The following ABCB5 variants were observed in gnomAD, a reference collection of about 807,000 sequenced individuals.
ABCB5 encodes the protein ATP binding cassette subfamily B member 5.
A neutral mutation model predicts 144.2 loss-of-function variants in ABCB5; 155 were observed. The observed-to-expected ratio is 1.08, with a 90% CI of 0.94 to 1.23. ABCB5 has a LOEUF of 1.23. ABCB5 is among the 50% of genes most tolerant of loss of function. The probability of loss-of-function intolerance (pLI) is 0.00; values close to 1 mark genes in which losing one functional copy is unlikely to be tolerated. For synonymous variants in ABCB5, 610 were observed against 528.6 expected, an observed-to-expected ratio of 1.15 and a Z score of -2.11; for missense variants, 1,830 against 1,520.8, an observed-to-expected ratio of 1.20 and a Z score of -3.38.
intron 5 of ABCB5, among the ~76,000 whole-genome samples, chr7:20,636,782 C>CAAAAA (rs35824075): frequency 8.1e-5 from 6 of 74,202 alleles, no homozygotes; most frequent in African/African-American, 1.2e-4. Flanking sequence ...AAGACTCCAT[C>CAAAAA]AAAAAAAAAA....
intron 14 of ABCB5, among the ~76,000 whole-genome samples, chr7:20,666,511 T>C (rs993478899): frequency 6.6e-6 from 1 of 152,182 alleles, no homozygotes; most frequent in African/African-American, 2.4e-5. Flanking sequence ...TATCTCTGCC[T>C]AGCAATTCTG....
chr7:20,673,681 C>A (rs906955953), intron 14 of ABCB5, among the ~76,000 whole-genome samples: 11 of 151,904 alleles, frequency 7.2e-5, no homozygotes, highest in African/African-American at 2.7e-4. Context: ...TGACAGATGA[C>A]ACGTAGTTGG....
intron 7 of ABCB5, 145 bp from the exon 8 acceptor site, chr7:20,645,611 T>G (rs1420525174): frequency 4.9e-6 from 5 of 1,024,730 alleles, no homozygotes; most frequent in African/African-American, 1.6e-5. Context: ...TCTTAGTATT[T>G]GAAGACAAAT....
At chr7:20,685,540 C>T (rs181575013) in intron 15 of ABCB5, among the ~76,000 whole-genome samples, 156 bp from the exon 16 acceptor site, 1 of 152,314 alleles carries the variant, frequency 6.6e-6, no homozygotes, top group East Asian at 1.9e-4. Context: ...GACTTATCAG[C>T]TCTCTATCAA....
At chr7:20,624,786 C>T (rs938694548) in intron 2 of ABCB5, among the ~76,000 whole-genome samples, 3 of 152,190 alleles carry the variant, frequency 2.0e-5, no homozygotes, top group South Asian at 2.1e-4. Flanking sequence ...AAACCAGCAA[C>T]GGGCACGCTA....
chr7:20,647,760 C>A (rs1784454186), intron 10 of ABCB5, 112 bp downstream of exon 10: 1 of 1,460,226 alleles, frequency 6.8e-7, no homozygotes, highest in Non-Finnish European at 9.2e-7. Flanking sequence ...TTAATGTTGG[C>A]CAGTTGTTTA....
At chr7:20,680,866 A>G (rs1785769926) in intron 14 of ABCB5, among the ~76,000 whole-genome samples, 1 of 152,054 alleles carries the variant, frequency 6.6e-6, no homozygotes, top group Non-Finnish European at 1.5e-5. Flanking sequence ...TGGCCTTCTT[A>G]TTCTATTAAA....
intron 20 of ABCB5, among the ~76,000 whole-genome samples, chr7:20,706,963 A>G (rs764026532): frequency 7.2e-5 from 11 of 152,238 alleles, no homozygotes; most frequent in Non-Finnish European, 1.5e-4. Context: ...ATAAAGATGG[A>G]TTCATATTCA....
rs571827369 is a variant in ABCB5, at chr7:20,729,680, A to G, written c.2867+1225A>G. On this transcript the variant is annotated intron_variant, in intron 23 of 27. Transcript: ENST00000404938. Reference sequence around the variant, plus strand: ...TCCATCATAAACGTCATTGCTAAGCATTTAGAACTGGAGAAATCCATACAA... The same window carrying G: ...TCCATCATAAACGTCATTGCTAAGCGTTTAGAACTGGAGAAATCCATACAA... Among the ~76,000 whole-genome samples the G allele has an allele frequency of 5.3e-5, 8 of 152,364 alleles. No homozygotes were observed. The South Asian group carries it at 1.7e-3, about 32-fold the overall frequency.
chr7:20,734,732 G>A lies in ABCB5; in HGVS notation c.2868-4251G>A, dbSNP rs553452056. ...TATCCTAGAAGTTTATCTGAAATGAGCATTTAAAATAAGGTGATAACATTT... is the reference window on the plus strand; with the variant it reads ...TATCCTAGAAGTTTATCTGAAATGAACATTTAAAATAAGGTGATAACATTT... On this transcript the variant is annotated intron_variant, in intron 23 of 27. Coordinates refer to ENST00000404938, the MANE Select transcript of ABCB5 (RefSeq NM_001163941.2). Among the ~76,000 whole-genome samples the A allele has an allele frequency of 4.6e-5, 7 of 152,158 alleles. No individual in the cohort carries two copies. The South Asian group carries it at 1.5e-3, about 32-fold the overall frequency.
intron 1 of ABCB5, among the ~76,000 whole-genome samples, chr7:20,618,818 A>G (rs1783747369): frequency 1.9e-5 from 2 of 103,682 alleles, no homozygotes; most frequent in Non-Finnish European, 3.5e-5. Flanking sequence ...TCTGTCACCC[A>G]GGCTGGAGTG....
chr7:20,698,521 T>TTA lies in ABCB5; in HGVS notation c.2126_2127insAT (p.Phe709LeufsTer10). 1 of 1,594,596 alleles carries TTA rather than the reference T, an allele frequency of 6.3e-7. No homozygotes were observed. Among genetic ancestry groups the TTA allele is most frequent in the Non-Finnish European group, 8.5e-7 (1 of 1,174,438 alleles). On this transcript the variant is annotated frameshift_variant, in exon 17 of 28. Coordinates refer to ENST00000404938, the MANE Select transcript of ABCB5 (RefSeq NM_001163941.2). LOFTEE classifies it high-confidence loss of function. ...TCTAAATGGAACTGTTCATCCAGTA[T>TTA]TTTCCATCATCTTTGCAAAAATTAT...
intron 5 of ABCB5, among the ~76,000 whole-genome samples, chr7:20,636,738 T>G (rs1176117989): frequency 2.4e-5 from 3 of 125,556 alleles, no homozygotes; most frequent in Non-Finnish European, 4.7e-5. Context: ...TGAGCTGAGA[T>G]CACACCACTG....
chr7:20,638,228 A>G (rs947162146), intron 5 of ABCB5, among the ~76,000 whole-genome samples: 8 of 152,340 alleles, frequency 5.3e-5, no homozygotes, highest in African/African-American at 1.9e-4. Flanking sequence ...AAGACAATTA[A>G]ATCACTTATA....
At chr7:20,729,900 T>A (rs112937130) in intron 23 of ABCB5, among the ~76,000 whole-genome samples, 81 of 152,342 alleles carry the variant, frequency 5.3e-4, no homozygotes, top group African/African-American at 1.9e-3. Flanking sequence ...TTACTTTGAA[T>A]ATCCTTATTG....
chr7:20,653,921 C>G (rs185984335), intron 13 of ABCB5, among the ~76,000 whole-genome samples: 1 of 152,158 alleles, frequency 6.6e-6, no homozygotes, highest in Non-Finnish European at 1.5e-5. Context: ...TTTTTAACCC[C>G]CCAGGCAAGT....
intron 14 of ABCB5, among the ~76,000 whole-genome samples, chr7:20,670,062 T>C (rs1305367056): frequency 6.6e-6 from 1 of 152,206 alleles, no homozygotes; most frequent in Non-Finnish European, 1.5e-5. Context: ...ATCTAACCAG[T>C]GTTCTTTAAA....
intron 16 of ABCB5, among the ~76,000 whole-genome samples, chr7:20,687,440 C>G (rs945372275): frequency 6.6e-6 from 1 of 152,148 alleles, no homozygotes; most frequent in South Asian, 2.1e-4. Flanking sequence ...GGCTCTAAAA[C>G]AGGAGGAATA....
chr7:20,645,981 A>G lies in ABCB5; in HGVS notation c.824A>G (p.Asp275Gly), dbSNP rs750268735. Reference protein sequence around the residue: ...ELQRYTQNLKDAKDFGIKRTI... With the variant: ...ELQRYTQNLKGAKDFGIKRTI... ...GTAAGGTATACACAGAATCTCAAAG[A>G]TGCAAAGGATTTTGGCATAAAAAGG... The change falls in exon 9 of 28, where the codon GAT becomes GGT. Residue 275 changes from aspartate (D) to glycine (G), a missense_variant. Asp to Gly is a moderately conservative substitution (Grantham distance 94). Coordinates refer to ENST00000404938, the MANE Select transcript of ABCB5 (RefSeq NM_001163941.2). The G allele has an allele frequency of 3.1e-6, 5 of 1,613,652 alleles. No homozygotes were observed. The Admixed American group carries it at 8.3e-5, about 27-fold the overall frequency.
Sources: gnomAD v4.1 joint callset for allele counts (sites outside exome capture counted in the v4.1 genomes callset) on GRCh38, gnomAD v4.1.1 for gene constraint, MANE v1.5 for transcripts, NCBI Gene and HGNC (gene_info 2026-07-23, HGNC 2026-07-21) for gene names.